Variants in BIK observed in about 807,000 individuals in gnomAD.
BIK encodes the protein bcl-2-interacting killer.
BIK carries 14 observed loss-of-function variants against 12.1 expected under a neutral mutation model. The ratio of observed to expected loss-of-function variants is 1.16; its 90% CI spans 0.77 to 1.81. The LOEUF (loss-of-function observed/expected upper bound fraction) is 1.81. Among genes scored for constraint, BIK ranks in the 40% most tolerant of loss-of-function variants. The pLI is 0.00. For missense variants in BIK, 215 were observed against 207.9 expected, an observed-to-expected ratio of 1.03 and a Z score of -0.21; for synonymous variants, 86 against 92.3, an observed-to-expected ratio of 0.93 and a Z score of 0.39.
At chr22:43,128,117 G>A (rs983875332) in intron 3 of BIK, among the ~76,000 whole-genome samples, 8 of 152,098 alleles carry the variant, frequency 5.3e-5, no homozygotes, top group South Asian at 4.2e-4. Context: ...ACGTGAGCTC[G>A]GATCCTAGAT....
chr22:43,126,711 A>G (rs998503624), intron 2 of BIK, among the ~76,000 whole-genome samples: 15 of 151,650 alleles, frequency 9.9e-5, no homozygotes, highest in African/African-American at 3.6e-4. Context: ...TTTTTTTTTC[A>G]GCCTCAGGAT....
intron 3 of BIK, 94 bp from the exon 4 acceptor site, chr22:43,128,402 G>A: frequency 6.7e-7 from 1 of 1,489,742 alleles, no homozygotes; most frequent in Non-Finnish European, 9.3e-7. Flanking sequence ...ACAGGCCCCT[G>A]CTCCCCACAG....
intron 1 of BIK, among the ~76,000 whole-genome samples, chr22:43,117,513 C>T (rs1168193534): frequency 3.4e-5 from 5 of 148,608 alleles, no homozygotes; most frequent in Non-Finnish European, 6.0e-5. Flanking sequence ...GGACTACAGG[C>T]GCCCGCCACC....
At chr22:43,127,589 A>G in intron 2 of BIK, 108 bp from the exon 3 acceptor site, 1 of 980,742 alleles carries the variant, frequency 1.0e-6, no homozygotes, top group Non-Finnish European at 1.5e-6. Context: ...ACCATCTCTT[A>G]TCCTCTGGGC....
chr22:43,116,682 C>T (rs1930120106), intron 1 of BIK, among the ~76,000 whole-genome samples: 1 of 152,162 alleles, frequency 6.6e-6, no homozygotes. Context: ...TGGTTTCGAT[C>T]TCCTGACCTC....
At chr22:43,113,395 C>T (rs1930048194) in intron 1 of BIK, among the ~76,000 whole-genome samples, 1 of 151,864 alleles carries the variant, frequency 6.6e-6, no homozygotes, top group Admixed American at 6.6e-5. Flanking sequence ...AGCCACCTCA[C>T]CCGGCTCAAG....
chr22:43,129,310 C>T lies in BIK; in HGVS notation c.*5C>T, dbSNP rs950752987. 4 of 1,597,908 alleles carry T rather than the reference C, an allele frequency of 2.5e-6. No homozygotes were observed. The highest frequency in any genetic ancestry group is 3.3e-5 in the Admixed American group (2 of 59,804). ...CTGCACCTGCTGCTCAAGTGAGGCC[C>T]CGGCGGCTCAGGGCGGGGCTGGCCC... On this transcript the variant is annotated 3_prime_UTR_variant, in exon 5 of 5. Transcript: ENST00000216115.
chr22:43,128,200 G>A (rs1467591152), intron 3 of BIK, among the ~76,000 whole-genome samples: 1 of 152,102 alleles, frequency 6.6e-6, no homozygotes, highest in Non-Finnish European at 1.5e-5. Flanking sequence ...GGGCCCTGTA[G>A]AATGGGGGTT....
At chr22:43,125,789 G>T (rs567270921) in intron 2 of BIK, among the ~76,000 whole-genome samples, 15 of 152,286 alleles carry the variant, frequency 9.8e-5, no homozygotes, top group African/African-American at 2.6e-4. Flanking sequence ...GGAAGAGCCT[G>T]AGGAGGCCAT....
intron 2 of BIK, among the ~76,000 whole-genome samples, chr22:43,126,059 CTG>C (rs932671404): frequency 2.0e-5 from 3 of 150,678 alleles, no homozygotes; most frequent in African/African-American, 7.3e-5. Context: ...GACAGAGTCT[CTG>C]TCACCCAGGC....
At chr22:43,114,495 G>T (rs1391661455) in intron 1 of BIK, among the ~76,000 whole-genome samples, 1 of 152,134 alleles carries the variant, frequency 6.6e-6, no homozygotes, top group Non-Finnish European at 1.5e-5. Flanking sequence ...TAGAGATGGG[G>T]TTTCACCACG....
At chr22:43,120,763 G>C (rs528282668) in intron 1 of BIK, among the ~76,000 whole-genome samples, 1 of 152,342 alleles carries the variant, frequency 6.6e-6, no homozygotes, top group African/African-American at 2.4e-5. Flanking sequence ...TGGGCCCTAA[G>C]GCCAGCCTAG....
chr22:43,114,046 T>C (rs1176524171), intron 1 of BIK, among the ~76,000 whole-genome samples: 1 of 152,172 alleles, frequency 6.6e-6, no homozygotes, highest in Non-Finnish European at 1.5e-5. Flanking sequence ...CCTAAGTTCC[T>C]TGTTGGCCCC....
Position 43,127,743 on chromosome 22 carries a change from G to C in BIK, c.208G>C (p.Val70Leu), listed in dbSNP as rs576624864. ...RLACIGDEMD[V>L]SLRAPRLAQL... ...GGCCTGCATCGGGGACGAGATGGAC[G>C]TGAGCCTCAGGGCCCCGCGCCTGGC... is the stretch of plus-strand genomic sequence containing the variant. Residue 70 changes from valine to leucine, a missense_variant, in exon 3 of 5, where the codon GTG becomes CTG. Val to Leu is a conservative substitution (Grantham distance 32, BLOSUM62 1). Coordinates refer to ENST00000216115, the MANE Select transcript of BIK (RefSeq NM_001197.5). 6.4e-7 allele frequency: 1 copy of C among 1,554,552 alleles called. No individual in the cohort carries two copies. Among genetic ancestry groups the C allele is most frequent in the Non-Finnish European group, 8.7e-7 (1 of 1,149,756 alleles).
Position 43,124,179 on chromosome 22 carries a change from G to T in BIK, c.157G>T (p.Gly53Cys). 2 of 1,613,956 alleles carry T rather than the reference G, an allele frequency of 1.2e-6. No homozygotes were observed. Among genetic ancestry groups the T allele is most frequent in the Non-Finnish European group, 8.5e-7 (1 of 1,179,974 alleles). ...EDFDSLECME[G>C]SDALALRLAC... is the part of the protein sequence containing the mutation. ...CTTCGATTCTTTGGAATGCATGGAG[G>T]GCAGGTAGGTCCCCATGGCCTGCCC... is the stretch of plus-strand genomic sequence containing the variant. The change falls in exon 2 of 5, where the codon GGC becomes TGC. Residue 53 changes from glycine to cysteine, a missense_variant. By Grantham distance (159) the Gly-to-Cys change is radical. Transcript: ENST00000216115.
chr22:43,119,770 G>A (rs1930184067), intron 1 of BIK, among the ~76,000 whole-genome samples: 1 of 152,136 alleles, frequency 6.6e-6, no homozygotes, highest in Middle Eastern at 3.4e-3. Flanking sequence ...CAGGAGTTCC[G>A]AGACAAGCCT....
intron 3 of BIK, among the ~76,000 whole-genome samples, chr22:43,128,264 C>T (rs1181980336): frequency 2.0e-5 from 3 of 152,112 alleles, no homozygotes; most frequent in Non-Finnish European, 2.9e-5. Flanking sequence ...GGTGGGCTGG[C>T]GGGCGGCTGG....
At position 43,129,454 on chromosome 22, in the gene BIK, T is replaced by G; in HGVS notation, c.*149T>G. ...ATAGTGCTGGAACACTGCTGAGGTT[T>G]TATACTCAGGTTTTTTGTTTTTTTT... On this transcript the variant is annotated 3_prime_UTR_variant, in exon 5 of 5. Coordinates refer to ENST00000216115, the MANE Select transcript of BIK (RefSeq NM_001197.5). 1 of 1,299,098 alleles carries G rather than the reference T, an allele frequency of 7.7e-7. No individual in the cohort carries two copies. The highest frequency in any genetic ancestry group is 1.6e-5 in the South Asian group (1 of 61,564). 80.5% of individuals were successfully genotyped at this position (1,299,098 alleles called of 1,614,324 possible).
Position 43,129,287 on chromosome 22 carries a change from G to T in BIK, c.465G>T (p.Leu155=). 6.2e-7 allele frequency: 1 copy of T among 1,600,474 alleles called. No individual in the cohort carries two copies. ...ALLLPLLSGG[L]HLLLK ...TGCTGCCGCTGCTCAGCGGGGGCCT[G>T]CACCTGCTGCTCAAGTGAGGCCCCG... Residue 155 remains leucine, a synonymous_variant, in exon 5 of 5, where the codon CTG becomes CTT. Transcript: ENST00000216115.
Sources: gnomAD v4.1 joint callset for allele counts (sites outside exome capture counted in the v4.1 genomes callset) on GRCh38, gnomAD v4.1.1 for gene constraint, MANE v1.5 for transcripts, NCBI Gene and HGNC (gene_info 2026-07-23, HGNC 2026-07-21) for gene names.